The following PDHX variants were observed in gnomAD, a reference collection of about 807,000 sequenced individuals.
The protein encoded by PDHX is pyruvate dehydrogenase complex component X, also known as pyruvate dehydrogenase protein X component, mitochondrial.
PDHX carries 33 observed loss-of-function variants against 55.3 expected under a neutral mutation model. The ratio of observed to expected loss-of-function variants is 0.60; its 90% CI spans 0.45 to 0.80. PDHX has a LOEUF of 0.80. Ranked by LOEUF, PDHX falls within the 30% of genes least tolerant of loss-of-function variation. PDHX has a pLI of 0.00. For missense variants in PDHX, 622 were observed against 619.9 expected (o/e 1.00, Z -0.04); for synonymous variants, 226 against 219.4 (o/e 1.03, Z -0.27).
At chr11:34,935,901 C>T (rs1164470824) in intron 2 of PDHX, among the ~76,000 whole-genome samples, 1 of 152,144 alleles carries the variant, frequency 6.6e-6, no homozygotes, top group African/African-American at 2.4e-5. Context: ...GCACAGATGT[C>T]ACTCATACAA....
chr11:34,978,525 G>A (rs1855433057), intron 8 of PDHX, among the ~76,000 whole-genome samples: 1 of 152,090 alleles, frequency 6.6e-6, no homozygotes, highest in African/African-American at 2.4e-5. Flanking sequence ...AGGAGAAAAA[G>A]AAAGGATAAG....
chr11:34,945,941 C>T (rs546639330), intron 2 of PDHX, among the ~76,000 whole-genome samples: 12 of 152,304 alleles, frequency 7.9e-5, no homozygotes, highest in Admixed American at 3.3e-4. Flanking sequence ...ATCTCCAGTT[C>T]TGGGAAATTC....
rs182284595 is a variant in PDHX at position 34,952,422 on chromosome 11, A to G, written c.342+4816A>G. Among the ~76,000 whole-genome samples, 1,211 of 152,314 alleles carry G rather than the reference A, an allele frequency of 8.0e-3. 20 individuals carry two copies. Among genetic ancestry groups the G allele is most frequent in the African/African-American group, 0.028 (1,163 of 41,540 alleles). On this transcript the variant is annotated intron_variant, in intron 3 of 10. Transcript: ENST00000227868. Reference sequence around the variant, plus strand: ...TTTTAGACCAGTATCCTTGGTGAACATTGATGCAAAAATCCTCAATAAAAT... The same window carrying G: ...TTTTAGACCAGTATCCTTGGTGAACGTTGATGCAAAAATCCTCAATAAAAT...
At chr11:34,917,030 C>T (rs780787594) in intron 1 of PDHX, among the ~76,000 whole-genome samples, 1 of 152,056 alleles carries the variant, frequency 6.6e-6, no homozygotes, top group Non-Finnish European at 1.5e-5. Context: ...CCCTAGGCCC[C>T]CTGGTTTGTA....
intron 2 of PDHX, among the ~76,000 whole-genome samples, chr11:34,933,075 A>G (rs932576615): frequency 1.3e-5 from 2 of 152,216 alleles, no homozygotes; most frequent in Admixed American, 6.5e-5. Context: ...TTGGTTATCT[A>G]CAGAGTAATG....
chr11:34,966,739 A>G lies in PDHX; in HGVS notation c.741A>G (p.Leu247=), dbSNP rs1590756895. ...PTATPTAPSP[L]QATAGPSYPR... is the part of the protein sequence containing the mutation. ...CCACTCCCACAGCACCTTCGCCCCT[A>G]CAGGCCACAGCTGGACCATCTTATC... is the stretch of plus-strand genomic sequence containing the variant. The change falls in exon 6 of 11, where the codon CTA becomes CTG. Residue 247 remains leucine, a synonymous_variant. Coordinates refer to ENST00000227868, the MANE Select transcript of PDHX (RefSeq NM_003477.3). 53 of 1,614,102 alleles carry G rather than the reference A, an allele frequency of 3.3e-5. No individual in the cohort carries two copies. Among genetic ancestry groups the G allele is most frequent in the Non-Finnish European group, 4.1e-5 (48 of 1,180,008 alleles).
At chr11:34,929,280 T>C (rs1441979009) in intron 1 of PDHX, among the ~76,000 whole-genome samples, 1 of 152,238 alleles carries the variant, frequency 6.6e-6, no homozygotes. Context: ...CTGTTGCCCA[T>C]GCTGGAGTGC....
intron 2 of PDHX, among the ~76,000 whole-genome samples, chr11:34,938,248 T>G (rs1854383174): frequency 6.6e-6 from 1 of 152,020 alleles, no homozygotes; most frequent in South Asian, 2.1e-4. Context: ...TGAAAATTAT[T>G]CAATAACCCA....
rs1211745551 is a variant in PDHX, at chr11:34,916,627, T to G, written c.-29T>G. ...CTTGATGCTGGACATCAGGCTGTGC[T>G]GCGGGCAGCCAGTGAGAAGGCCGTC... On this transcript the variant is annotated 5_prime_UTR_variant, in exon 1 of 11. Transcript: ENST00000227868. 6.2e-7 allele frequency: 1 copy of G among 1,602,940 alleles called. No individual in the cohort carries two copies. The highest frequency in any genetic ancestry group is 8.5e-7 in the Non-Finnish European group (1 of 1,179,686).
intron 1 of PDHX, among the ~76,000 whole-genome samples, chr11:34,925,615 AAG>A (rs1473277411): frequency 6.6e-6 from 1 of 152,212 alleles, no homozygotes. Context: ...TCAGAAATAA[AAG>A]AAATAAAAAG....
In PDHX at chr11:34,991,874, C is replaced by T. The variant is rs998397961; in HGVS notation, c.1183-441C>T. 2.9e-5 allele frequency among the ~76,000 whole-genome samples: 4 copies of T among 139,918 alleles called. No homozygotes were observed. The Admixed American group carries it at 3.0e-4, about 11-fold the overall frequency. The allele number at this position is 139,918 out of a possible 152,430, so 91.8% of individuals were successfully genotyped here. The stretch of plus-strand genomic sequence containing the variant: ...GCAATAGGCCATAATCACACCACTG[C>T]ACTCCAGCCAGGGCAACAGAGTGAG... On this transcript the variant is annotated intron_variant, in intron 9 of 10. Transcript: ENST00000227868.
chr11:34,994,348 A>G (rs1855815838), intron 10 of PDHX, among the ~76,000 whole-genome samples: 1 of 152,230 alleles, frequency 6.6e-6, no homozygotes, highest in Non-Finnish European at 1.5e-5. Context: ...GTAAAAATGT[A>G]AAAAGTAAAA....
rs199912895 is a variant in PDHX at position 34,931,543 on chromosome 11, T to TG, written c.241+59_241+60insG. On this transcript the variant is annotated intron_variant, in intron 2 of 10. Transcript: ENST00000227868. ...TTGTTATTTGGTTATTTTGTTTTGT[T>TG]TTTTTTTTTCCTAATCTGTCCTGTT... is the stretch of plus-strand genomic sequence containing the variant. The TG allele has an allele frequency of 1.9e-3, 1,842 of 947,042 alleles. 48 individuals carry two copies. In the African/African-American group the frequency reaches 0.027, roughly 14 times the overall value. 58.7% of individuals were successfully genotyped at this position (947,042 alleles called of 1,614,324 possible).
At chr11:34,917,376 G>A (rs1050007186) in intron 1 of PDHX, among the ~76,000 whole-genome samples, 2 of 152,134 alleles carry the variant, frequency 1.3e-5, no homozygotes, top group Non-Finnish European at 2.9e-5. Context: ...GCAAATATTC[G>A]CTTGAAAGAG....
intron 3 of PDHX, among the ~76,000 whole-genome samples, chr11:34,948,242 A>G (rs530289699): frequency 7.4e-4 from 112 of 152,270 alleles, no homozygotes; most frequent in African/African-American, 2.6e-3. Context: ...CATTATTAGA[A>G]CTGTTTCCTC....
intron 8 of PDHX, among the ~76,000 whole-genome samples, chr11:34,980,150 C>T (rs1318613253): frequency 1.3e-5 from 1 of 76,028 alleles, no homozygotes. Context: ...AGCCTAGAGT[C>T]ATTTTGTTTC....
chr11:34,985,350 A>G (rs1305613005), intron 9 of PDHX, among the ~76,000 whole-genome samples: 1 of 152,220 alleles, frequency 6.6e-6, no homozygotes, highest in Non-Finnish European at 1.5e-5. Context: ...CTGAGGAACA[A>G]GAATCACTTG....
chr11:34,990,913 A>G (rs1385411709), intron 9 of PDHX, among the ~76,000 whole-genome samples: 2 of 152,224 alleles, frequency 1.3e-5, no homozygotes, highest in Non-Finnish European at 2.9e-5. Context: ...TATGTTGCCT[A>G]TGTAATACAA....
chr11:34,985,380 G>A (rs1855618831), intron 9 of PDHX, among the ~76,000 whole-genome samples: 1 of 152,216 alleles, frequency 6.6e-6, no homozygotes, highest in African/African-American at 2.4e-5. Flanking sequence ...GGCAGAGGTT[G>A]CAGTGAGCCG....
Sources: allele counts gnomAD v4.1 joint callset (sites outside exome capture counted in the v4.1 genomes callset), GRCh38; gene constraint gnomAD v4.1.1; transcripts MANE v1.5; gene names NCBI Gene and HGNC (gene_info 2026-07-23, HGNC 2026-07-21).